LSM14A: variants seen among roughly 807,000 people sequenced by gnomAD.
LSM14A encodes LSM14A mRNA processing body assembly factor, also known as protein LSM14 homolog A.
LSM14A carries 14 observed loss-of-function variants against 52.4 expected under a neutral mutation model. The observed-to-expected ratio is 0.27, with a 90% CI of 0.18 to 0.42. The LOEUF (loss-of-function observed/expected upper bound fraction) is 0.42. LSM14A is among the 10% of genes least tolerant of loss of function. The pLI, the probability that LSM14A is intolerant of heterozygous loss-of-function variation, is 1.00. For synonymous variants in LSM14A, 185 were observed against 200.3 expected, an observed-to-expected ratio of 0.92 and a Z score of 0.64; for missense variants, 417 against 581.8, an observed-to-expected ratio of 0.72 and a Z score of 2.91.
At chr19:34,172,798 C>G in intron 1 of LSM14A, 35 bp downstream of exon 1, 1 of 1,545,460 alleles carries the variant, frequency 6.5e-7, no homozygotes, top group Non-Finnish European at 8.7e-7. Context: ...GGGGGCCGAG[C>G]CGGGCGCCGC....
chr19:34,197,839 A>G (rs1191797429), intron 3 of LSM14A, among the ~76,000 whole-genome samples: 1 of 152,188 alleles, frequency 6.6e-6, no homozygotes, highest in Non-Finnish European at 1.5e-5. Flanking sequence ...TTTCTGTAAC[A>G]CTGGATTTGA....
intron 1 of LSM14A, among the ~76,000 whole-genome samples, chr19:34,183,476 A>G (rs1174812637): frequency 6.6e-6 from 1 of 152,056 alleles, no homozygotes; most frequent in Admixed American, 6.5e-5. Flanking sequence ...GCTTGAACCC[A>G]GGAGGCAGAG....
intron 9 of LSM14A, among the ~76,000 whole-genome samples, chr19:34,226,627 C>G (rs1380371884): frequency 2.0e-5 from 3 of 152,106 alleles, no homozygotes; most frequent in Admixed American, 6.6e-5. Context: ...GAAGTTAAGT[C>G]TCACCTAGGA....
At chr19:34,194,442 T>G in intron 1 of LSM14A, 36 bp from the exon 2 acceptor site, 5 of 1,584,636 alleles carry the variant, frequency 3.2e-6, no homozygotes, top group Non-Finnish European at 4.3e-6. Flanking sequence ...ATGTGATGAG[T>G]AGTCACACAT....
intron 4 of LSM14A, 69 bp from the exon 5 acceptor site, chr19:34,215,055 T>C: frequency 7.5e-7 from 1 of 1,337,936 alleles, no homozygotes; most frequent in Non-Finnish European, 1.0e-6. Context: ...TCTGGACAAT[T>C]TTTTTTAGGG....
At chr19:34,173,704 A>G (rs2068877941) in intron 1 of LSM14A, among the ~76,000 whole-genome samples, 1 of 152,222 alleles carries the variant, frequency 6.6e-6, no homozygotes, top group Non-Finnish European at 1.5e-5. Flanking sequence ...GAAATCTCAC[A>G]ACAGTGTAAA....
intron 1 of LSM14A, among the ~76,000 whole-genome samples, chr19:34,192,346 G>A (rs1273510669): frequency 2.7e-5 from 1 of 37,268 alleles, no homozygotes; most frequent in African/African-American, 9.5e-5. Flanking sequence ...TTTTTTTGGA[G>A]TCAGATTGTC....
intron 1 of LSM14A, among the ~76,000 whole-genome samples, chr19:34,177,361 TG>T (rs1264384179): frequency 6.6e-6 from 1 of 152,234 alleles, no homozygotes; most frequent in African/African-American, 2.4e-5. Context: ...ATTGATTTTG[TG>T]TACAATGTGA....
At chr19:34,223,835 T>C (rs761823134) in intron 9 of LSM14A, among the ~76,000 whole-genome samples, 5 of 152,252 alleles carry the variant, frequency 3.3e-5, no homozygotes, top group Non-Finnish European at 7.3e-5. Flanking sequence ...TTCAGACCCT[T>C]GGTTTTGACA....
At chr19:34,182,768 C>G (rs544608535) in intron 1 of LSM14A, among the ~76,000 whole-genome samples, 1 of 147,236 alleles carries the variant, frequency 6.8e-6, no homozygotes. Context: ...GGTGTGAACC[C>G]GGGAGGCGGA....
At chr19:34,179,929 TTTG>T (rs756843202) in intron 1 of LSM14A, among the ~76,000 whole-genome samples, 4 of 152,116 alleles carry the variant, frequency 2.6e-5, no homozygotes, top group East Asian at 1.9e-4. Flanking sequence ...TGAAGTAAAT[TTTG>T]TTGTTGTTGT....
intron 9 of LSM14A, 83 bp from the exon 10 acceptor site, chr19:34,227,282 T>G: frequency 1.1e-6 from 1 of 906,990 alleles, no homozygotes; most frequent in South Asian, 1.5e-5. Context: ...TTAAAGATAA[T>G]TTAAAATAAA....
chr19:34,194,149 G>A (rs1336802774), intron 1 of LSM14A, among the ~76,000 whole-genome samples: 1 of 152,142 alleles, frequency 6.6e-6, no homozygotes, highest in East Asian at 1.9e-4. Context: ...CTCCAGCCTA[G>A]GGGACAGAGA....
At chr19:34,215,052 A>G (rs1422379543) in intron 4 of LSM14A, 72 bp from the exon 5 acceptor site, 10 of 1,304,676 alleles carry the variant, frequency 7.7e-6, no homozygotes, top group Middle Eastern at 2.7e-4. Flanking sequence ...AACTCTGGAC[A>G]ATTTTTTTTA....
chr19:34,185,672 C>T (rs2069846611), intron 1 of LSM14A, among the ~76,000 whole-genome samples: 1 of 152,298 alleles, frequency 6.6e-6, no homozygotes, highest in South Asian at 2.1e-4. Flanking sequence ...AGTAATTAAA[C>T]CTTCCTTGTT....
chr19:34,174,061 T>A (rs2068904857), intron 1 of LSM14A, among the ~76,000 whole-genome samples: 2 of 152,228 alleles, frequency 1.3e-5, no homozygotes, highest in South Asian at 4.1e-4. Flanking sequence ...GTGATTCTCC[T>A]GCCTCAGCCT....
At chr19:34,186,927 C>T (rs2069950011) in intron 1 of LSM14A, among the ~76,000 whole-genome samples, 1 of 150,914 alleles carries the variant, frequency 6.6e-6, no homozygotes, top group Admixed American at 6.6e-5. Context: ...GTCTAATTTA[C>T]AATTTTTAGT....
intron 3 of LSM14A, among the ~76,000 whole-genome samples, chr19:34,200,507 A>G (rs940499028): frequency 1.3e-5 from 2 of 152,108 alleles, no homozygotes; most frequent in South Asian, 2.1e-4. Context: ...AAAAGGGCCA[A>G]ATTGATTTTA....
chr19:34,176,821 A>G (rs891790646), intron 1 of LSM14A, among the ~76,000 whole-genome samples: 12 of 152,300 alleles, frequency 7.9e-5, no homozygotes, highest in Admixed American at 3.9e-4. Context: ...GAACATGGGG[A>G]ATGTTGGTCT....
Sources: gnomAD v4.1 joint callset for allele counts (sites outside exome capture counted in the v4.1 genomes callset) on GRCh38, gnomAD v4.1.1 for gene constraint, MANE v1.5 for transcripts, NCBI Gene and HGNC (gene_info 2026-07-23, HGNC 2026-07-21) for gene names.